Variants in GRIK2 observed in about 807,000 individuals in gnomAD.
The protein encoded by GRIK2 is glutamate ionotropic receptor kainate type subunit 2.
A neutral mutation model predicts 100.3 loss-of-function variants in GRIK2; 32 were observed. That is an observed-to-expected ratio of 0.32 (90% CI 0.24 to 0.43). The LOEUF (loss-of-function observed/expected upper bound fraction) is 0.43, where lower values mean the gene tolerates loss of function less well. GRIK2 is among the 20% of genes least tolerant of loss of function. GRIK2 has a pLI of 1.00. For missense variants in GRIK2, 843 were observed against 1,114.9 expected, an observed-to-expected ratio of 0.76 and a Z score of 3.47; for synonymous variants, 417 against 389.4, an observed-to-expected ratio of 1.07 and a Z score of -0.83.
chr6:102,006,390 A>ATATATATTTTTTTTTT lies in GRIK2; in HGVS notation c.2086-28950_2086-28949insATATATTTTTTTTTTT, dbSNP rs1315524835. ...CTTTTATATATATATATATATATAT[A>ATATATATTTTTTTTTT]TTTTTTTTTTTTTTGAGACATACAG... On this transcript the variant is annotated intron_variant, in intron 14 of 16. Transcript: ENST00000369134. Among the ~76,000 whole-genome samples, 58 of 114,080 alleles carry ATATATATTTTTTTTTT rather than the reference A, an allele frequency of 5.1e-4. 1 individual carries two copies. The highest frequency in any genetic ancestry group is 2.5e-3 in the African/African-American group (54 of 21,896). The allele number at this position is 114,080 out of a possible 152,430, so 74.8% of individuals were successfully genotyped here.
chr6:101,467,829 T>G (rs2128254674), intron 2 of GRIK2, among the ~76,000 whole-genome samples: 1 of 152,074 alleles, frequency 6.6e-6, no homozygotes, highest in Middle Eastern at 3.4e-3. Context: ...TGAAAAGCAA[T>G]CTAGATTTTA....
At chr6:101,681,503 G>A (rs1582950135) in intron 5 of GRIK2, among the ~76,000 whole-genome samples, 1 of 150,458 alleles carries the variant, frequency 6.6e-6, no homozygotes, top group Admixed American at 6.7e-5. Context: ...CCGAAGTCCA[G>A]GGATTACAGG....
In GRIK2 at chr6:101,726,102, T is replaced by TAA. The variant is rs141476942; in HGVS notation, c.951+39750_951+39751dup. 5.6e-3 allele frequency among the ~76,000 whole-genome samples: 847 copies of TAA among 152,092 alleles called. 9 individuals are homozygous for TAA. Among genetic ancestry groups the TAA allele is most frequent in the African/African-American group, 0.02 (813 of 41,536 alleles). ...AGATTAAAAACTGCACTTATATATATAACAGTGCTAAGATAGGTCTTAGGT... is the reference window on the plus strand; with the variant it reads ...AGATTAAAAACTGCACTTATATATATAAAACAGTGCTAAGATAGGTCTTAGGT... On this transcript the variant is annotated intron_variant, in intron 7 of 16. Transcript: ENST00000369134.
At chr6:101,591,917 T>C (rs648977) in intron 2 of GRIK2, among the ~76,000 whole-genome samples, 15,593 of 152,078 alleles carry the variant, frequency 0.1, 1,031 homozygotes, top group African/African-American at 0.18. Flanking sequence ...TCCCCAATGT[T>C]GGAGGTGGAG....
intron 12 of GRIK2, among the ~76,000 whole-genome samples, chr6:101,918,999 G>A (rs1464285759): frequency 6.6e-6 from 1 of 151,758 alleles, no homozygotes; most frequent in Non-Finnish European, 1.5e-5. Flanking sequence ...TAACTGAAGA[G>A]GAAGAGGACT....
chr6:101,561,590 T>C (rs184740703), intron 2 of GRIK2, among the ~76,000 whole-genome samples: 2 of 152,204 alleles, frequency 1.3e-5, no homozygotes, highest in Admixed American at 6.5e-5. Context: ...TGTGTATGCA[T>C]ATCAAAATAT....
chr6:101,548,101 G>GT (rs1776336332), intron 2 of GRIK2, among the ~76,000 whole-genome samples: 1 of 151,824 alleles, frequency 6.6e-6, no homozygotes, highest in Non-Finnish European at 1.5e-5. Context: ...TGTGTCTTTT[G>GT]GCTGCATAAA....
In GRIK2 at chr6:102,005,710, G is replaced by A. The variant is rs145497139; in HGVS notation, c.2086-29631G>A. Among the ~76,000 whole-genome samples the A allele has an allele frequency of 1.4e-3, 210 of 152,130 alleles. 1 individual carries two copies. The highest frequency in any genetic ancestry group is 4.6e-3 in the African/African-American group (190 of 41,486). On this transcript the variant is annotated intron_variant, in intron 14 of 16. Transcript: ENST00000369134. The stretch of plus-strand genomic sequence containing the variant: ...TTTGCTTTTACGCCAAACCTCAAAC[G>A]TAATCAGTGAAAATATATTTTATTT...
chr6:101,891,461 A>G (rs373526894), intron 12 of GRIK2: 26 of 325,880 alleles, frequency 8.0e-5, no homozygotes, highest in Non-Finnish European at 1.1e-4. Flanking sequence ...AGGTTGCAGT[A>G]AGCCGAGATC....
chr6:101,529,632 G>A (rs2518253), intron 2 of GRIK2, among the ~76,000 whole-genome samples: 19,986 of 151,944 alleles, frequency 0.13, 1,786 homozygotes, highest in Middle Eastern at 0.2. Flanking sequence ...TATAATGTGC[G>A]AGGCATCGAT....
At chr6:102,034,189 T>A (rs1418429165) in intron 14 of GRIK2, among the ~76,000 whole-genome samples, 1 of 151,382 alleles carries the variant, frequency 6.6e-6, no homozygotes, top group East Asian at 2.0e-4. Flanking sequence ...TATAGAGCAC[T>A]CATTGTACCT....
At chr6:101,782,799 G>A (rs1032367665) in intron 7 of GRIK2, among the ~76,000 whole-genome samples, 1 of 151,460 alleles carries the variant, frequency 6.6e-6, no homozygotes, top group African/African-American at 2.4e-5. Context: ...TTCCATAATG[G>A]CTGTACTAAT....
chr6:101,740,519 T>C (rs557312057), intron 7 of GRIK2, among the ~76,000 whole-genome samples: 8 of 152,320 alleles, frequency 5.3e-5, no homozygotes, highest in African/African-American at 1.9e-4. Flanking sequence ...TTAAGCTATG[T>C]TCAGAACGTA....
intron 2 of GRIK2, among the ~76,000 whole-genome samples, chr6:101,445,843 C>T (rs1434053329): frequency 1.3e-5 from 2 of 151,984 alleles, no homozygotes; most frequent in Non-Finnish European, 2.9e-5. Flanking sequence ...GACTTTTTAC[C>T]TATGAATGAG....
intron 14 of GRIK2, among the ~76,000 whole-genome samples, chr6:101,976,682 C>A (rs892492614): frequency 5.3e-5 from 8 of 151,648 alleles, no homozygotes; most frequent in African/African-American, 1.7e-4. Context: ...AAAGAGACAT[C>A]CTGTTTCTTA....
intron 7 of GRIK2, among the ~76,000 whole-genome samples, chr6:101,775,563 C>T (rs1038980998): frequency 4.7e-5 from 7 of 148,422 alleles, no homozygotes; most frequent in South Asian, 2.1e-4. Context: ...TATATATATA[C>T]ACACACACAC....
chr6:101,624,440 A>G (rs1003584053), intron 3 of GRIK2, among the ~76,000 whole-genome samples: 1 of 152,198 alleles, frequency 6.6e-6, no homozygotes, highest in Non-Finnish European at 1.5e-5. Flanking sequence ...CAATTTATTT[A>G]GATCATATTG....
At chr6:101,406,649 T>C (rs879748190) in intron 2 of GRIK2, among the ~76,000 whole-genome samples, 5 of 152,064 alleles carry the variant, frequency 3.3e-5, no homozygotes, top group East Asian at 1.9e-4. Flanking sequence ...CAGAAGAAAA[T>C]ACTGGGTGCC....
At chr6:101,963,559 A>G (rs1303784645) in intron 14 of GRIK2, among the ~76,000 whole-genome samples, 2 of 102,200 alleles carry the variant, frequency 2.0e-5, no homozygotes, top group African/African-American at 8.1e-5. Flanking sequence ...TCACTGTGTT[A>G]GCTAGGATGA....
Sources: allele counts gnomAD v4.1 joint callset (sites outside exome capture counted in the v4.1 genomes callset), GRCh38; gene constraint gnomAD v4.1.1; transcripts MANE v1.5; gene names NCBI Gene and HGNC (gene_info 2026-07-23, HGNC 2026-07-21).